Variants in MAML3 observed in about 807,000 individuals in gnomAD.
MAML3 encodes the protein mastermind-like protein 3.
MAML3 carries 27 observed loss-of-function variants against 101.9 expected under a neutral mutation model. The ratio of observed to expected loss-of-function variants is 0.27; its 90% CI spans 0.20 to 0.37. The LOEUF is 0.37. MAML3 is among the 10% of genes least tolerant of loss of function. MAML3 has a pLI of 1.00. For missense variants in MAML3, 1,316 were observed against 1,444.9 expected, an observed-to-expected ratio of 0.91 and a Z score of 1.45; for synonymous variants, 501 against 555.9, an observed-to-expected ratio of 0.90 and a Z score of 1.39.
chr4:139,765,113 C>T (rs184157574), intron 2 of MAML3, among the ~76,000 whole-genome samples: 123 of 152,328 alleles, frequency 8.1e-4, no homozygotes, highest in East Asian at 1.2e-3. Flanking sequence ...TAACAGCTGC[C>T]GTTTGGGCTG....
intron 1 of MAML3, among the ~76,000 whole-genome samples, chr4:139,993,828 C>CA (rs946659496): frequency 2.1e-4 from 30 of 142,500 alleles, no homozygotes; most frequent in South Asian, 4.4e-4. Flanking sequence ...AACTCTGTCT[C>CA]AAAAAAAAAA....
chr4:140,132,045 T>C (rs558875540), intron 1 of MAML3, among the ~76,000 whole-genome samples: 1 of 152,372 alleles, frequency 6.6e-6, no homozygotes, highest in East Asian at 1.9e-4. Context: ...ACAGGTCTTG[T>C]TCACCACACA....
intron 1 of MAML3, among the ~76,000 whole-genome samples, chr4:140,090,532 G>T (rs915360076): frequency 1.3e-5 from 2 of 152,144 alleles, no homozygotes. Context: ...TCCTGTACTG[G>T]GTTATACTGC....
chr4:139,717,056 T>C lies in MAML3; in HGVS notation c.*2267A>G, dbSNP rs906091713. On this transcript the variant is annotated 3_prime_UTR_variant, in exon 5 of 5. Transcript: ENST00000509479. ...CAAACAGTATATATATATTTATATGTATATTTTTTACAGATAGTAGACCCA... is the reference window on the plus strand; with the variant it reads ...CAAACAGTATATATATATTTATATGCATATTTTTTACAGATAGTAGACCCA... 5.2e-5 allele frequency: 8 copies of C among 152,528 alleles called. No homozygotes were observed. The highest frequency in any genetic ancestry group is 1.9e-4 in the African/African-American group (8 of 41,538). 9.4% of individuals were successfully genotyped at this position (152,528 alleles called of 1,614,324 possible). A position where few individuals can be genotyped will look rare whatever the true frequency, so the allele number is the denominator to read the frequency against.
At chr4:139,736,357 G>A (rs973259153) in intron 2 of MAML3, among the ~76,000 whole-genome samples, 2 of 152,178 alleles carry the variant, frequency 1.3e-5, no homozygotes. Context: ...CATGACAATT[G>A]CTTGGCCAAA....
At chr4:139,734,032 T>C (rs1728828860) in intron 2 of MAML3, among the ~76,000 whole-genome samples, 1 of 152,172 alleles carries the variant, frequency 6.6e-6, no homozygotes, top group South Asian at 2.1e-4. Context: ...ATACGAAACA[T>C]CTTTAGTTCG....
chr4:140,128,351 C>T (rs1441315148), intron 1 of MAML3, among the ~76,000 whole-genome samples: 1 of 152,106 alleles, frequency 6.6e-6, no homozygotes, highest in Non-Finnish European at 1.5e-5. Flanking sequence ...CAGAGAAGAA[C>T]CATGTGCTGA....
intron 1 of MAML3, among the ~76,000 whole-genome samples, chr4:140,056,969 A>T (rs1321364708): frequency 1.3e-5 from 2 of 152,224 alleles, no homozygotes; most frequent in East Asian, 3.9e-4. Flanking sequence ...CATGGGGTCC[A>T]TTCTGGGGCA....
chr4:140,000,794 G>A (rs188239508), intron 1 of MAML3, among the ~76,000 whole-genome samples: 35 of 152,244 alleles, frequency 2.3e-4, no homozygotes, highest in East Asian at 1.9e-3. Context: ...TTGGGAGGCC[G>A]AGGTGGGTGG....
chr4:139,742,156 T>C (rs1205702525), intron 2 of MAML3, among the ~76,000 whole-genome samples: 5 of 150,872 alleles, frequency 3.3e-5, no homozygotes, highest in South Asian at 4.2e-4. Context: ...TTTCTTTTTT[T>C]TTTTTTTTTT....
intron 1 of MAML3, among the ~76,000 whole-genome samples, chr4:140,145,724 C>T (rs529243671): frequency 1.3e-5 from 2 of 151,990 alleles, no homozygotes; most frequent in Non-Finnish European, 2.9e-5. Flanking sequence ...CGCCACCACG[C>T]CCGGCTAATT....
At chr4:139,760,842 G>A (rs1051537412) in intron 2 of MAML3, among the ~76,000 whole-genome samples, 2 of 152,146 alleles carry the variant, frequency 1.3e-5, no homozygotes, top group Non-Finnish European at 2.9e-5. Flanking sequence ...AATCATTTAA[G>A]AAAGAAAAAT....
At chr4:139,927,935 A>C (rs1319009538) in intron 1 of MAML3, among the ~76,000 whole-genome samples, 1 of 152,242 alleles carries the variant, frequency 6.6e-6, no homozygotes, top group Admixed American at 6.5e-5. Flanking sequence ...AACAAGATAC[A>C]GGTGCTGAGT....
intron 1 of MAML3, among the ~76,000 whole-genome samples, chr4:140,038,717 G>A (rs1326757663): frequency 4.6e-5 from 7 of 152,188 alleles, no homozygotes; most frequent in African/African-American, 1.4e-4. Flanking sequence ...TTAAGAGTTA[G>A]TCTACATAAA....
intron 1 of MAML3, among the ~76,000 whole-genome samples, chr4:139,962,010 A>G (rs1308055623): frequency 6.6e-6 from 1 of 152,042 alleles, no homozygotes; most frequent in African/African-American, 2.4e-5. Context: ...CAGCTACTTG[A>G]GAGGCTGGAG....
chr4:140,051,854 G>A (rs1274245491), intron 1 of MAML3, among the ~76,000 whole-genome samples: 4 of 152,090 alleles, frequency 2.6e-5, no homozygotes, highest in South Asian at 2.1e-4. Flanking sequence ...TAGTGGAGGC[G>A]CCGGGATAAG....
chr4:139,722,485 G>A (rs1408626194), intron 4 of MAML3, among the ~76,000 whole-genome samples: 1 of 152,100 alleles, frequency 6.6e-6, no homozygotes, highest in Non-Finnish European at 1.5e-5. Context: ...TTGGTCTAAA[G>A]CAGATATTAT....
chr4:140,152,281 T>C (rs1729186717), intron 1 of MAML3, among the ~76,000 whole-genome samples: 1 of 152,214 alleles, frequency 6.6e-6, no homozygotes, highest in Non-Finnish European at 1.5e-5. Flanking sequence ...TCAGACTTTC[T>C]CAGCCCAAAG....
intron 4 of MAML3, 106 bp downstream of exon 4, chr4:139,725,645 A>AT: frequency 4.5e-6 from 5 of 1,112,062 alleles, no homozygotes; most frequent in South Asian, 1.3e-5. Context: ...TATTTTGAGT[A>AT]TTTCCTGGAC....
Sources: allele counts gnomAD v4.1 joint callset (sites outside exome capture counted in the v4.1 genomes callset), GRCh38; gene constraint gnomAD v4.1.1; transcripts MANE v1.5; gene names NCBI Gene and HGNC (gene_info 2026-07-23, HGNC 2026-07-21).